The following ATP8B4 variants were observed in gnomAD, a reference collection of about 807,000 sequenced individuals.
ATP8B4 encodes probable phospholipid-transporting ATPase IM.
A neutral mutation model predicts 145.6 loss-of-function variants in ATP8B4; 133 were observed. The observed-to-expected ratio is 0.91, with a 90% CI of 0.79 to 1.05. The LOEUF (loss-of-function observed/expected upper bound fraction) is 1.05. ATP8B4 is among the 50% of genes least tolerant of loss of function. The probability of loss-of-function intolerance (pLI) is 0.00; values close to 1 mark genes in which losing one functional copy is unlikely to be tolerated. For missense variants in ATP8B4, 1,458 were observed against 1,425.2 expected (o/e 1.02, Z -0.37); for synonymous variants, 507 against 492.9 (o/e 1.03, Z -0.38).
intron 16 of ATP8B4, among the ~76,000 whole-genome samples, chr15:49,930,732 C>A (rs1156724500): frequency 1.3e-5 from 2 of 152,032 alleles, no homozygotes; most frequent in Non-Finnish European, 2.9e-5. Flanking sequence ...AGTTACTCAA[C>A]CTTTCTGTGT....
chr15:49,869,332 A>AAGTT (rs145208914), intron 25 of ATP8B4, among the ~76,000 whole-genome samples: 4,985 of 152,280 alleles, frequency 0.033, 287 homozygotes, highest in African/African-American at 0.11. Context: ...GATAAAATAC[A>AAGTT]AGTTATTATA....
chr15:49,926,902 T>G (rs2040773683), intron 16 of ATP8B4, among the ~76,000 whole-genome samples: 1 of 152,198 alleles, frequency 6.6e-6, no homozygotes, highest in Non-Finnish European at 1.5e-5. Flanking sequence ...GAGAAATGCC[T>G]GTCACATGAC....
At chr15:50,144,334 A>G (rs11632133) in intron 1 of ATP8B4, among the ~76,000 whole-genome samples, 34,944 of 152,130 alleles carry the variant, frequency 0.23, 4,602 homozygotes, top group East Asian at 0.41. Flanking sequence ...GTATTAGTCC[A>G]TTTTTCACAC....
At position 50,138,326 on chromosome 15, in the gene ATP8B4, G is replaced by GTAGATAGATAGA. The variant is rs71124324; in HGVS notation, c.-42-31330_-42-31319dup. The stretch of plus-strand genomic sequence containing the variant: ...GATACATATATAGATAGATAGATAG[G>GTAGATAGATAGA]TAGATAGATAGATAGATAGATAGAT... On this transcript the variant is annotated intron_variant, in intron 1 of 3. Coordinates refer to the ATP8B4 transcript ENST00000558829. Among the ~76,000 whole-genome samples the GTAGATAGATAGA allele has an allele frequency of 9.7e-3, 1,440 of 148,220 alleles. 9 individuals are homozygous for GTAGATAGATAGA. The highest frequency in any genetic ancestry group is 0.019 in the African/African-American group (758 of 39,066).
rs769787068 is a variant in ATP8B4 at position 49,897,507 on chromosome 15, T to C, written c.2482A>G (p.Ile828Val). The C allele has an allele frequency of 2.6e-6, 4 of 1,546,018 alleles. No homozygotes were observed. Among genetic ancestry groups the C allele is most frequent in the Non-Finnish European group, 1.7e-6 (2 of 1,145,946 alleles). Residue 828 changes from isoleucine to valine, a missense_variant, in exon 23 of 28, where the codon ATT (isoleucine) becomes GTT (valine). Ile to Val is a conservative substitution (Grantham distance 29). Transcript: ENST00000284509. ...TCCTGGCCGCTGATGCCAACACCAA[T>C]GTGAGCACCTACAAAGGAAAGAGGA... ...NDVSMIKSAH[I>V]GVGISGQEGL... is the part of the protein sequence containing the mutation.
chr15:49,877,658 G>A (rs2034678849), intron 24 of ATP8B4, among the ~76,000 whole-genome samples: 1 of 151,620 alleles, frequency 6.6e-6, no homozygotes, highest in Non-Finnish European at 1.5e-5. Context: ...TAGCTGGTGT[G>A]TTATCTTAAA....
At chr15:50,134,104 A>G (rs544813541) in intron 1 of ATP8B4, among the ~76,000 whole-genome samples, 1 of 152,296 alleles carries the variant, frequency 6.6e-6, no homozygotes, top group South Asian at 2.1e-4. Context: ...AAATATAGAT[A>G]ATTTTTATTC....
chr15:50,091,585 G>A (rs1005620816), intron 2 of ATP8B4, among the ~76,000 whole-genome samples: 5 of 152,074 alleles, frequency 3.3e-5, no homozygotes, highest in Admixed American at 6.6e-5. Context: ...ATTTTTCACT[G>A]TAGTTTGAAG....
At chr15:50,165,432 T>A (rs983700973) in intron 1 of ATP8B4, among the ~76,000 whole-genome samples, 2 of 152,206 alleles carry the variant, frequency 1.3e-5, no homozygotes, top group Non-Finnish European at 2.9e-5. Flanking sequence ...CTTATGAACA[T>A]GTTTCTTTTG....
intron 16 of ATP8B4, among the ~76,000 whole-genome samples, chr15:49,924,233 T>C (rs765559994): frequency 6.6e-6 from 1 of 152,114 alleles, no homozygotes; most frequent in African/African-American, 2.4e-5. Context: ...TAGACAAAGC[T>C]TTCTTTCAAA....
At chr15:49,901,639 T>C (rs1329783270) in intron 20 of ATP8B4, 1 of 285,542 alleles carries the variant, frequency 3.5e-6, no homozygotes, top group Non-Finnish European at 6.8e-6. Flanking sequence ...AGACAATTGA[T>C]GAAATCTTCT....
chr15:50,067,780 A>G lies in ATP8B4; in HGVS notation c.87+6347T>C, dbSNP rs539997008. On this transcript the variant is annotated intron_variant, in intron 3 of 27. Coordinates refer to ENST00000284509, the MANE Select transcript of ATP8B4 (RefSeq NM_024837.4). The stretch of plus-strand genomic sequence containing the variant: ...CATGCACTTTGGGGCCCACCTAAAC[A>G]TATTCTGCCTACACTAGCTTCTTCA... Among the ~76,000 whole-genome samples the G allele has an allele frequency of 2.0e-5, 3 of 152,184 alleles. No homozygotes were observed. In the South Asian group the frequency reaches 6.2e-4, roughly 32 times the overall value.
At chr15:50,180,004 T>A (rs1013858584) in intron 1 of ATP8B4, among the ~76,000 whole-genome samples, 1 of 152,098 alleles carries the variant, frequency 6.6e-6, no homozygotes, top group African/African-American at 2.4e-5. Flanking sequence ...CTTCCCCAAA[T>A]TTACTCTCCC....
rs775209323 is a variant in ATP8B4 at position 49,897,581 on chromosome 15, A to G, written c.2474-66T>C. 7.5e-6 allele frequency: 10 copies of G among 1,331,708 alleles called. No individual in the cohort carries two copies. The African/African-American group carries it at 1.0e-4, about 14-fold the overall frequency. The allele number at this position is 1,331,708 out of a possible 1,614,324, so 82.5% of individuals were successfully genotyped here. Reference sequence around the variant, plus strand: ...CCACGATCTCTTTTGGAAACTTGTCATTCCTCTTTTATTTACGGAAAACTT... The same window carrying G: ...CCACGATCTCTTTTGGAAACTTGTCGTTCCTCTTTTATTTACGGAAAACTT... On this transcript the variant is annotated intron_variant, in intron 22 of 27. Coordinates refer to ENST00000284509, the MANE Select transcript of ATP8B4 (RefSeq NM_024837.4).
intron 12 of ATP8B4, among the ~76,000 whole-genome samples, chr15:49,974,705 T>C (rs977041711): frequency 6.6e-6 from 1 of 152,172 alleles, no homozygotes; most frequent in African/African-American, 2.4e-5. Flanking sequence ...TTTTCCTTAT[T>C]TAATTCCTTA....
At chr15:50,065,458 T>C (rs76677119) in intron 3 of ATP8B4, among the ~76,000 whole-genome samples, 8,181 of 152,268 alleles carry the variant, frequency 0.054, 243 homozygotes, top group Non-Finnish European at 0.064. Flanking sequence ...TAAAAACCAC[T>C]TTGAGACCGT....
chr15:50,144,427 C>T (rs573379374), intron 1 of ATP8B4, among the ~76,000 whole-genome samples: 6 of 152,146 alleles, frequency 3.9e-5, no homozygotes, highest in East Asian at 1.9e-4. Flanking sequence ...GCTGGGGAGG[C>T]CTCAGGAAAC....
rs967958582 is a variant in ATP8B4 at position 49,907,653 on chromosome 15, T to C, written c.2142-6414A>G. Among the ~76,000 whole-genome samples the C allele has an allele frequency of 5.3e-5, 8 of 152,292 alleles. No individual in the cohort carries two copies. The South Asian group carries it at 1.2e-3, about 24-fold the overall frequency. ...CTAATCCCCCAAATAAAATAAGATATAGAGTAGATATTTGTATCCCCATTT... is the reference window on the plus strand; with the variant it reads ...CTAATCCCCCAAATAAAATAAGATACAGAGTAGATATTTGTATCCCCATTT... On this transcript the variant is annotated intron_variant, in intron 20 of 27. Coordinates refer to ENST00000284509, the MANE Select transcript of ATP8B4 (RefSeq NM_024837.4).
chr15:50,087,633 G>A (rs1218821113), intron 2 of ATP8B4, among the ~76,000 whole-genome samples: 2 of 151,718 alleles, frequency 1.3e-5, no homozygotes, highest in African/African-American at 4.8e-5. Flanking sequence ...CCTACTTATA[G>A]CAGCACTACT....
Sources: gnomAD v4.1 joint callset for allele counts (sites outside exome capture counted in the v4.1 genomes callset) on GRCh38, gnomAD v4.1.1 for gene constraint, MANE v1.5 for transcripts, NCBI Gene and HGNC (gene_info 2026-07-23, HGNC 2026-07-21) for gene names.